HIVEP1: variants seen among roughly 807,000 people sequenced by gnomAD.
HIVEP1 encodes zinc finger protein 40.
In HIVEP1, 36 loss-of-function variants were observed where a neutral mutation model predicts 180.0. The observed-to-expected ratio is 0.20, with a 90% CI of 0.15 to 0.26. The LOEUF is 0.26. Ranked by LOEUF, HIVEP1 falls within the 10% of genes least tolerant of loss-of-function variation. The probability of loss-of-function intolerance (pLI) is 1.00; values close to 1 mark genes in which losing one functional copy is unlikely to be tolerated. For missense variants in HIVEP1, 3,143 were observed against 3,268.7 expected (o/e 0.96, Z 0.94); for synonymous variants, 1,239 against 1,239.0 (o/e 1.00, Z 0.00).
chr6:12,016,994 A>C (rs1767806353), intron 2 of HIVEP1, among the ~76,000 whole-genome samples: 1 of 152,228 alleles, frequency 6.6e-6, no homozygotes, highest in Non-Finnish European at 1.5e-5. Flanking sequence ...CTAGCCCAGC[A>C]CAGTTCCTGG....
intron 3 of HIVEP1, among the ~76,000 whole-genome samples, chr6:12,117,252 A>C (rs1443400389): frequency 6.6e-6 from 1 of 152,228 alleles, no homozygotes. Flanking sequence ...AGCACCAGTC[A>C]AGTGTTAAAA....
intron 7 of HIVEP1, among the ~76,000 whole-genome samples, chr6:12,142,561 CAAAA>C (rs1393879985): frequency 6.6e-6 from 1 of 150,608 alleles, no homozygotes; most frequent in Non-Finnish European, 1.5e-5. Context: ...GATAGAGACA[CAAAA>C]AAACCCTTGA....
chr6:12,127,297 G>A (rs1229487845), intron 4 of HIVEP1, among the ~76,000 whole-genome samples: 3 of 152,244 alleles, frequency 2.0e-5, no homozygotes, highest in Non-Finnish European at 2.9e-5. Context: ...ATCAAATCAT[G>A]TGTATGGTGG....
chr6:12,163,892 TC>T lies in HIVEP1; in HGVS notation c.7589del (p.Ser2530TyrfsTer18). ...VGLQVLTANPSSQSSPAPQAH... is the reference protein window; with the variant it reads ...VGLQVLTANPXSQSSPAPQAH... The stretch of plus-strand genomic sequence containing the variant: ...ACTGCAGGTTCTGACTGCAAACCCT[TC>T]ATCACAAAGCAGCCCCGCCCCTCAG... On this transcript the variant is annotated frameshift_variant, in exon 9 of 9. Transcript: ENST00000379388. LOFTEE classifies it low-confidence loss of function (END_TRUNC). 1 of 1,614,076 alleles carries T rather than the reference TC, an allele frequency of 6.2e-7. No individual in the cohort carries two copies. The highest frequency in any genetic ancestry group is 1.1e-5 in the South Asian group (1 of 91,080).
chr6:12,031,794 C>T (rs751502978), intron 2 of HIVEP1, among the ~76,000 whole-genome samples: 13 of 152,140 alleles, frequency 8.5e-5, no homozygotes, highest in Non-Finnish European at 1.3e-4. Context: ...TTTTGTGTGG[C>T]TTTATGGTTG....
At chr6:12,188,292 A>T in the HIVEP1 span, among the ~76,000 whole-genome samples, 7 of 152,216 alleles carry the variant, frequency 4.6e-5, no homozygotes, top group Admixed American at 3.3e-4. Flanking sequence ...GTGAAAATTC[A>T]TCATATCATC....
At chr6:12,089,422 C>T (rs1773317723) in intron 3 of HIVEP1, among the ~76,000 whole-genome samples, 185 bp downstream of exon 3, 2 of 152,104 alleles carry the variant, frequency 1.3e-5, no homozygotes, top group Admixed American at 6.6e-5. Context: ...CCACATAGCA[C>T]ATTCTATAAC....
At chr6:12,200,675 G>A in the HIVEP1 span, among the ~76,000 whole-genome samples, 1,728 of 152,344 alleles carry the variant, frequency 0.011, 12 homozygotes, top group Non-Finnish European at 0.019. Flanking sequence ...AAGGGACCCA[G>A]AGATATGCTT....
At chr6:12,024,500 T>C (rs541023971) in intron 2 of HIVEP1, among the ~76,000 whole-genome samples, 3 of 152,328 alleles carry the variant, frequency 2.0e-5, no homozygotes, top group Admixed American at 6.5e-5. Context: ...ATGGTCCTTA[T>C]GTGTTTCTGT....
At chr6:12,111,418 T>C (rs1285489091) in intron 3 of HIVEP1, among the ~76,000 whole-genome samples, 1 of 152,254 alleles carries the variant, frequency 6.6e-6, no homozygotes, top group Non-Finnish European at 1.5e-5. Context: ...TGTGGTTCTG[T>C]AGGTCAGAAG....
chr6:12,123,851 T>A lies in HIVEP1; in HGVS notation c.4056T>A (p.Asn1352Lys). 1 of 1,614,172 alleles carries A rather than the reference T, an allele frequency of 6.2e-7. No individual in the cohort carries two copies. The highest frequency in any genetic ancestry group is 8.5e-7 in the Non-Finnish European group (1 of 1,180,018). ...AEFLMIPAGLNTLNVPGCHRE... is the reference protein window; with the variant it reads ...AEFLMIPAGLKTLNVPGCHRE... ...TTCTTATGATTCCAGCTGGCTTGAA[T>A]ACTCTGAATGTTCCTGGATGTCACC... Residue 1352 changes from asparagine to lysine, a missense_variant, in exon 4 of 9, where the codon AAT (asparagine) becomes AAA (lysine). Physicochemically the swap from Asn to Lys is moderately conservative, Grantham distance 94 (BLOSUM62 0). Around this residue, in one of 12 missense-constraint regions of HIVEP1, gnomAD observed 1,357 missense variants for 1,260.5 expected, o/e 1.08. Coordinates refer to ENST00000379388, the MANE Select transcript of HIVEP1 (RefSeq NM_002114.4).
At chr6:12,060,128 G>C (rs1188533715) in intron 2 of HIVEP1, among the ~76,000 whole-genome samples, 1 of 152,102 alleles carries the variant, frequency 6.6e-6, no homozygotes, top group Admixed American at 6.5e-5. Context: ...CTTTTTATTA[G>C]ACCATCACAT....
the HIVEP1 span, among the ~76,000 whole-genome samples, chr6:12,178,873 C>T: frequency 1.3e-5 from 2 of 152,044 alleles, no homozygotes; most frequent in Admixed American, 1.3e-4. Flanking sequence ...TCTGAATAAA[C>T]GACAGTATTT....
chr6:12,103,889 A>G (rs9380790), intron 3 of HIVEP1, among the ~76,000 whole-genome samples: 39,520 of 151,992 alleles, frequency 0.26, 6,202 homozygotes, highest in Non-Finnish European at 0.35. Flanking sequence ...GTTGTGGCAA[A>G]TTCTTTCAAG....
At chr6:12,102,080 T>C (rs1444028547) in intron 3 of HIVEP1, among the ~76,000 whole-genome samples, 1 of 152,076 alleles carries the variant, frequency 6.6e-6, no homozygotes, top group Non-Finnish European at 1.5e-5. Flanking sequence ...CACCTGATAA[T>C]AGAGCCTTAA....
rs971130060 is a variant in HIVEP1 at position 12,121,634 on chromosome 6, C to T, written c.1839C>T (p.Val613=). The part of the protein sequence containing the change: ...PLSANMSQGG[V]SRLETNENSH... ...CAGCCAACATGTCCCAGGGTGGAGT[C>T]TCCAGGTTGGAGACTAATGAGAATT... is the stretch of plus-strand genomic sequence containing the variant. Residue 613 remains valine, a synonymous_variant, in exon 4 of 9, where the codon GTC becomes GTT. Coordinates refer to ENST00000379388, the MANE Select transcript of HIVEP1 (RefSeq NM_002114.4). The surrounding 1 kb of genome is among the most constrained non-coding windows in gnomAD (Gnocchi z 5.3). 1.2e-6 allele frequency: 2 copies of T among 1,614,132 alleles called. No homozygotes were observed. The highest frequency in any genetic ancestry group is 1.7e-6 in the Non-Finnish European group (2 of 1,180,016).
At chr6:12,201,802 GTTTCTTTTGAAAAAGTTTT>G in the HIVEP1 span, among the ~76,000 whole-genome samples, 1 of 152,134 alleles carries the variant, frequency 6.6e-6, no homozygotes, top group South Asian at 2.1e-4. Flanking sequence ...AATATTAAAA[GTTTCTTTTGAAAAAGTTTT>G]TTTCTAGTAG....
chr6:12,135,689 A>G (rs1758664936), intron 6 of HIVEP1, 102 bp from the exon 7 acceptor site: 2 of 734,940 alleles, frequency 2.7e-6, no homozygotes, highest in Admixed American at 2.2e-5. Flanking sequence ...GTACGACCAC[A>G]ATCTGTACTT....
At chr6:12,037,916 T>C (rs1176704613) in intron 2 of HIVEP1, 8 of 391,560 alleles carry the variant, frequency 2.0e-5, no homozygotes, top group Non-Finnish European at 3.6e-5. Flanking sequence ...TTCCTCACTT[T>C]GTTGCCCAGA....
Sources: gnomAD v4.1 joint callset for allele counts (sites outside exome capture counted in the v4.1 genomes callset) on GRCh38, gnomAD v4.1.1 for gene constraint, gnomAD v4.1.1 regional missense constraint, Gnocchi (gnomAD v3.1) non-coding constraint, MANE v1.5 for transcripts, NCBI Gene and HGNC (gene_info 2026-07-23, HGNC 2026-07-21) for gene names.